Variants in PCDH15 observed in about 807,000 individuals in gnomAD.
The protein encoded by PCDH15 is protocadherin related 15, also known as protocadherin-15.
PCDH15 carries 129 observed loss-of-function variants against 178.5 expected under a neutral mutation model. The observed-to-expected ratio is 0.72, with a 90% confidence interval of 0.63 to 0.84. The LOEUF (loss-of-function observed/expected upper bound fraction) is 0.84. PCDH15 is among the 40% of genes least tolerant of loss of function. The pLI is 0.00. For synonymous variants in PCDH15, 800 were observed against 732.0 expected, an observed-to-expected ratio of 1.09 and a Z score of -1.50; for missense variants, 2,230 against 2,099.9, an observed-to-expected ratio of 1.06 and a Z score of -1.21.
At chr10:55,055,839 A>T (rs902250553) in intron 2 of PCDH15, among the ~76,000 whole-genome samples, 3 of 152,070 alleles carry the variant, frequency 2.0e-5, no homozygotes, top group Admixed American at 6.6e-5. Context: ...GAAAAGAAAG[A>T]AAGAAAGGAG....
At chr10:54,295,192 T>C (rs2059670895) in intron 8 of PCDH15, among the ~76,000 whole-genome samples, 1 of 152,164 alleles carries the variant, frequency 6.6e-6, no homozygotes, top group Admixed American at 6.5e-5. Context: ...AGAACTTTTG[T>C]GTCTAGCTAA....
chr10:54,999,689 G>T (rs1299186868), intron 2 of PCDH15, among the ~76,000 whole-genome samples: 1 of 152,146 alleles, frequency 6.6e-6, no homozygotes, highest in Non-Finnish European at 1.5e-5. Context: ...CCACAGTACT[G>T]GGTTGAGCGA....
intron 1 of PCDH15, among the ~76,000 whole-genome samples, chr10:55,179,752 G>A (rs1839590850): frequency 6.6e-6 from 1 of 151,846 alleles, no homozygotes; most frequent in South Asian, 2.1e-4. Context: ...GGAGTGAAAG[G>A]GGTGTATTGT....
chr10:54,521,404 G>C (rs941870020), intron 3 of PCDH15, among the ~76,000 whole-genome samples: 22 of 152,010 alleles, frequency 1.4e-4, no homozygotes, highest in African/African-American at 5.3e-4. Context: ...CTCCTTGCCT[G>C]TCCCGAAGTA....
At chr10:55,420,575 T>G (rs1023269581) in intron 2 of PCDH15, among the ~76,000 whole-genome samples, 1 of 151,684 alleles carries the variant, frequency 6.6e-6, no homozygotes, top group Non-Finnish European at 1.5e-5. Context: ...TTTTGCTTTG[T>G]CTTATTTTGT....
chr10:54,473,249 T>A (rs1393078548), intron 3 of PCDH15, among the ~76,000 whole-genome samples: 1 of 152,114 alleles, frequency 6.6e-6, no homozygotes, highest in Non-Finnish European at 1.5e-5. Context: ...TCTAAGAAAG[T>A]AAAACATAAG....
chr10:54,658,982 G>A (rs938764599), intron 2 of PCDH15, among the ~76,000 whole-genome samples: 2 of 151,958 alleles, frequency 1.3e-5, no homozygotes, highest in South Asian at 4.1e-4. Context: ...AAGATCAGGG[G>A]TGCTATTCTT....
At chr10:54,803,054 C>T (rs12413745), upstream of PCDH15, among the ~76,000 whole-genome samples, 10,909 of 152,126 alleles carry the variant, frequency 0.072, 475 homozygotes, top group Non-Finnish European at 0.099. Context: ...TAAGTTTTAA[C>T]CAGTTTGAAA....
At chr10:54,625,145 C>T (rs982072349) in intron 2 of PCDH15, among the ~76,000 whole-genome samples, 1 of 152,030 alleles carries the variant, frequency 6.6e-6, no homozygotes, top group Non-Finnish European at 1.5e-5. Flanking sequence ...TGTGATTAGC[C>T]CAGTTGTGTT....
chr10:53,933,428 G>GT (rs1247769355), intron 25 of PCDH15, among the ~76,000 whole-genome samples: 1,710 of 151,782 alleles, frequency 0.011, 35 homozygotes, highest in African/African-American at 0.04. Context: ...GTGGTGTTTG[G>GT]TTTTTTGTCC....
In PCDH15 at chr10:55,064,616, T is replaced by G. The variant is rs559798132; in HGVS notation, c.-80+101960A>C. Reference sequence around the variant, plus strand: ...TTTTCACTGAGGGGATAGCTACTTATACTAAAATACCTAAATCTGTTAGCA... The same window carrying G: ...TTTTCACTGAGGGGATAGCTACTTAGACTAAAATACCTAAATCTGTTAGCA... On this transcript the variant is annotated intron_variant, in intron 2 of 5. Transcript: ENST00000458638. Among the ~76,000 whole-genome samples, 244 of 152,194 alleles carry G rather than the reference T, an allele frequency of 1.6e-3. 1 individual carries two copies. Among genetic ancestry groups the G allele is most frequent in the African/African-American group, 5.4e-3 (225 of 41,558 alleles).
rs146485380 is a variant in PCDH15 at position 54,704,526 on chromosome 10, G to C, written c.-28-40236C>G. Among the ~76,000 whole-genome samples, 52 of 152,196 alleles carry C rather than the reference G, an allele frequency of 3.4e-4. 1 individual carries two copies. The East Asian group carries it at 9.5e-3, about 28-fold the overall frequency. Reference sequence around the variant, plus strand: ...TTAAAAACTGGGCAAAAGACATGCAGAGACACTTTCAGAAAGAAGACATAC... The same window carrying C: ...TTAAAAACTGGGCAAAAGACATGCACAGACACTTTCAGAAAGAAGACATAC... On this transcript the variant is annotated intron_variant, in intron 1 of 37. Transcript: ENST00000644397.
Position 54,133,012 on chromosome 10 carries a change from A to G in PCDH15, c.1785-5T>C, listed in dbSNP as rs2133062271. The G allele has an allele frequency of 6.2e-7, 1 of 1,614,018 alleles. No homozygotes were observed. The highest frequency in any genetic ancestry group is 8.5e-7 in the Non-Finnish European group (1 of 1,179,926). On this transcript the variant is annotated splice_polypyrimidine_tract_variant and splice_region_variant and intron_variant, in intron 14 of 37. Coordinates refer to ENST00000644397, the MANE Select transcript of PCDH15 (RefSeq NM_001384140.1). The stretch of plus-strand genomic sequence containing the variant: ...TACACAGTGCAGATGGAGTTCCTGC[A>G]GAGAAAGAGAGGAAAAGAAGATGGT...
chr10:53,945,253 A>T (rs901436010), intron 23 of PCDH15, among the ~76,000 whole-genome samples: 1 of 152,206 alleles, frequency 6.6e-6, no homozygotes, highest in African/African-American at 2.4e-5. Flanking sequence ...TTCCTCCCAG[A>T]AAAGTTCAAT....
chr10:53,973,126 C>T (rs1318028973), intron 21 of PCDH15, among the ~76,000 whole-genome samples: 2 of 151,936 alleles, frequency 1.3e-5, no homozygotes, highest in East Asian at 1.9e-4. Context: ...AAAGGATGAG[C>T]TCATGTCCTT....
chr10:54,399,422 T>C (rs1230127399), intron 3 of PCDH15, among the ~76,000 whole-genome samples: 5 of 152,100 alleles, frequency 3.3e-5, no homozygotes, highest in Admixed American at 3.3e-4. Flanking sequence ...ACTTCTTGCA[T>C]TTCTCCATAA....
chr10:54,069,850 T>G (rs192127868), intron 17 of PCDH15, among the ~76,000 whole-genome samples: 1 of 152,294 alleles, frequency 6.6e-6, no homozygotes, highest in East Asian at 1.9e-4. Context: ...ACAGATCACT[T>G]TAATTAATTG....
chr10:54,537,004 T>TTTTTTC (rs1239331227), intron 2 of PCDH15, among the ~76,000 whole-genome samples: 4 of 139,936 alleles, frequency 2.9e-5, no homozygotes, highest in African/African-American at 1.1e-4. Flanking sequence ...TTCCTTTTTT[T>TTTTTTC]TTTTTTTTTT....
In PCDH15 at chr10:55,432,789, A is replaced by ATATATT. The variant is rs1838918177; in HGVS notation, c.-156+194835_-156+194836insAATATA. On this transcript the variant is annotated intron_variant, in intron 2 of 5. Transcript: ENST00000613346. ...CAACGCCCGGCTAATATATATATAT[A>ATATATT]TATATATTTTATTTTTAGTAGAGAT... 2.0e-5 allele frequency among the ~76,000 whole-genome samples: 3 copies of ATATATT among 151,140 alleles called. 1 individual carries two copies. The highest frequency in any genetic ancestry group is 1.5e-5 in the Non-Finnish European group (1 of 67,770).
Sources: allele counts gnomAD v4.1 joint callset (sites outside exome capture counted in the v4.1 genomes callset), GRCh38; gene constraint gnomAD v4.1.1; transcripts MANE v1.5; gene names NCBI Gene and HGNC (gene_info 2026-07-23, HGNC 2026-07-21).